SLC9A8: variants seen among roughly 807,000 people sequenced by gnomAD.
SLC9A8 encodes solute carrier family 9 member A8, also known as sodium/hydrogen exchanger 8.
A neutral mutation model predicts 66.6 loss-of-function variants in SLC9A8; 48 were observed. The ratio of observed to expected loss-of-function variants is 0.72; its 90% CI spans 0.57 to 0.92. The LOEUF (loss-of-function observed/expected upper bound fraction) is 0.92. SLC9A8 is among the 40% of genes least tolerant of loss of function. SLC9A8 has a pLI of 0.00. For synonymous variants in SLC9A8, 274 were observed against 282.6 expected (o/e 0.97, Z 0.31); for missense variants, 599 against 747.3 (o/e 0.80, Z 2.31).
chr20:49,834,335 ATATATATATATACTG>A lies in SLC9A8; in HGVS notation c.290-5193_290-5179del, dbSNP rs2087381369. ...GTGTGTATATATATATATACTGTGTATATATATATATACTGTATATATATATATACTGTGTATATA... is the reference window on the plus strand; with the variant it reads ...GTGTGTATATATATATATACTGTGTATATATATATATATACTGTGTATATA... On this transcript the variant is annotated intron_variant, in intron 3 of 15. Coordinates refer to ENST00000361573, the MANE Select transcript of SLC9A8 (RefSeq NM_015266.3). 1.0e-3 allele frequency among the ~76,000 whole-genome samples: 60 copies of A among 58,018 alleles called. 3 individuals carry two copies. Among genetic ancestry groups the A allele is most frequent in the Admixed American group, 4.8e-3 (30 of 6,226 alleles). The allele number at this position is 58,018 out of a possible 152,430, so 38.1% of individuals were successfully genotyped here. A position where few individuals can be genotyped will look rare whatever the true frequency, so the allele number is the denominator to read the frequency against.
Position 49,881,020 on chromosome 20 carries a change from A to G in SLC9A8, c.1255A>G (p.Ile419Val). The G allele has an allele frequency of 1.2e-6, 2 of 1,611,828 alleles. No homozygotes were observed. Among genetic ancestry groups the G allele is most frequent in the Non-Finnish European group, 1.7e-6 (2 of 1,177,840 alleles). ...DHKITPKMMF[I>V]MWFSGLRGAI... ...TAAAATCACACCGAAGATGATGTTCATCATGTGGTTTAGTGGTAAGTCAAA... is the reference window on the plus strand; with the variant it reads ...TAAAATCACACCGAAGATGATGTTCGTCATGTGGTTTAGTGGTAAGTCAAA... Residue 419 changes from isoleucine to valine, a missense_variant, in exon 13 of 16, where the codon ATC becomes GTC. Transcript: ENST00000361573.
Position 49,847,511 on chromosome 20 carries a change from CT to C in SLC9A8, c.433-2067del, listed in dbSNP as rs1224910751. On this transcript the variant is annotated intron_variant, in intron 5 of 15. Coordinates refer to ENST00000361573, the MANE Select transcript of SLC9A8 (RefSeq NM_015266.3). ...AATGTGACAATTTATATGAAAGGGACTGATAGGATTATGAAATGCTACTTCT... is the reference window on the plus strand; with the variant it reads ...AATGTGACAATTTATATGAAAGGGACGATAGGATTATGAAATGCTACTTCT... Among the ~76,000 whole-genome samples the C allele has an allele frequency of 2.6e-5, 4 of 151,358 alleles. No individual in the cohort carries two copies. In the East Asian group the frequency reaches 7.8e-4, roughly 30 times the overall value.
intron 4 of SLC9A8, among the ~76,000 whole-genome samples, chr20:49,841,219 T>A (rs574893372): frequency 6.6e-6 from 1 of 151,442 alleles, no homozygotes; most frequent in African/African-American, 2.4e-5. Context: ...GGCAGGAGGA[T>A]CGCTTGAGCC....
At chr20:49,853,304 C>A (rs189355374) in intron 7 of SLC9A8, among the ~76,000 whole-genome samples, 2 of 151,466 alleles carry the variant, frequency 1.3e-5, no homozygotes, top group Non-Finnish European at 2.9e-5. Flanking sequence ...GCACCACTTC[C>A]GGCTAATTTT....
intron 10 of SLC9A8, among the ~76,000 whole-genome samples, chr20:49,871,415 G>A (rs771675070): frequency 2.0e-4 from 30 of 152,156 alleles, no homozygotes; most frequent in Non-Finnish European, 5.9e-5. Context: ...GAGGCTGAAC[G>A]CTTTTGCTGC....
rs1479799955 is a variant in SLC9A8 at position 49,887,817 on chromosome 20, C to G, written c.1639-12C>G. The G allele has an allele frequency of 6.3e-7, 1 of 1,582,026 alleles. No homozygotes were observed. Among genetic ancestry groups the G allele is most frequent in the East Asian group, 2.3e-5 (1 of 44,114 alleles). On this transcript the variant is annotated splice_polypyrimidine_tract_variant and intron_variant, in intron 15 of 15. Transcript: ENST00000361573. The stretch of plus-strand genomic sequence containing the variant: ...TGACGCCCTGACGGCTTGGTTGTGT[C>G]TCTCGACCCAGGACCTGCACCACGG...
chr20:49,880,888 G>A (rs747413213), intron 12 of SLC9A8, 36 bp from the exon 13 acceptor site: 26 of 1,416,794 alleles, frequency 1.8e-5, no homozygotes, highest in Non-Finnish European at 2.6e-5. Flanking sequence ...AGAGCCAGAT[G>A]TTTTCACCTA....
In SLC9A8 at chr20:49,887,901, T is replaced by A. The variant is rs752725250; in HGVS notation, c.1711T>A (p.Ser571Thr). 5 of 1,613,740 alleles carry A rather than the reference T, an allele frequency of 3.1e-6. No homozygotes were observed. The highest frequency in any genetic ancestry group is 1.7e-4 in the Middle Eastern group (1 of 6,056). The change falls in exon 16 of 16, where the codon TCC becomes ACC. Residue 571 changes from serine (S) to threonine (T), a missense_variant. Ser to Thr is a moderately conservative substitution (Grantham distance 58). This residue lies in a region of SLC9A8 where 467 missense variants were observed against 626.5 expected (regional missense o/e 0.75). Transcript: ENST00000361573. Reference protein sequence around the residue: ...KWYEEVRQGPSGSEDDEQELL With the variant: ...KWYEEVRQGPTGSEDDEQELL ...GTACGAGGAGGTACGCCAGGGCCCCTCCGGCTCCGAGGACGACGAGCAGGA... is the reference window on the plus strand; with the variant it reads ...GTACGAGGAGGTACGCCAGGGCCCCACCGGCTCCGAGGACGACGAGCAGGA...
intron 3 of SLC9A8, among the ~76,000 whole-genome samples, chr20:49,838,904 T>A (rs187550581): frequency 1.9e-4 from 29 of 152,118 alleles, no homozygotes; most frequent in African/African-American, 6.3e-4. Context: ...GGGTTAAGAG[T>A]CGTTTATCTA....
chr20:49,841,792 A>G (rs1192722845), intron 4 of SLC9A8, among the ~76,000 whole-genome samples: 3 of 151,854 alleles, frequency 2.0e-5, no homozygotes, highest in Non-Finnish European at 2.9e-5. Context: ...ACAGGGTCTC[A>G]CCATGTTAGC....
At chr20:49,846,213 C>T (rs1304360016) in intron 5 of SLC9A8, among the ~76,000 whole-genome samples, 2 of 152,006 alleles carry the variant, frequency 1.3e-5, no homozygotes, top group African/African-American at 4.8e-5. Flanking sequence ...TGGTTTTTTC[C>T]TTGTCTGTGA....
rs1171839648 is a variant in SLC9A8, at chr20:49,830,304, ACTGT to A, written c.289+7167_289+7170del. 4 of 1,135,500 alleles carry A rather than the reference ACTGT, an allele frequency of 3.5e-6. No individual in the cohort carries two copies. In the South Asian group the frequency reaches 3.7e-5, roughly 10 times the overall value. The allele number at this position is 1,135,500 out of a possible 1,614,324, so 70.3% of individuals were successfully genotyped here. ...CTTGCTAAAAATGGGTCACACAGTG[ACTGT>A]CTGGAACCGCACTGCCAAGAAACGT... On this transcript the variant is annotated intron_variant, in intron 3 of 15. Transcript: ENST00000361573.
At chr20:49,851,051 GTGGGGCATTGCTGATTGGAA>G (rs2088227754) in intron 7 of SLC9A8, among the ~76,000 whole-genome samples, 1 of 152,212 alleles carries the variant, frequency 6.6e-6, no homozygotes, top group Non-Finnish European at 1.5e-5. Context: ...AAGATCCCTA[GTGGGGCATTGCTGATTGGAA>G]TGATTTAGTT....
At chr20:49,813,507 T>G (rs2086434900) in intron 1 of SLC9A8, among the ~76,000 whole-genome samples, 1 of 152,160 alleles carries the variant, frequency 6.6e-6, no homozygotes, top group South Asian at 2.1e-4. Flanking sequence ...TCAAGGTGGT[T>G]TCAGATCGTG....
chr20:49,869,881 A>G (rs1240113215), intron 10 of SLC9A8, among the ~76,000 whole-genome samples: 1 of 152,206 alleles, frequency 6.6e-6, no homozygotes. Flanking sequence ...GAAGTTGGCC[A>G]AAGATAGAAT....
chr20:49,871,920 A>G (rs1466722154), intron 10 of SLC9A8, among the ~76,000 whole-genome samples: 1 of 152,224 alleles, frequency 6.6e-6, no homozygotes, highest in Non-Finnish European at 1.5e-5. Context: ...CAGAAGGAAG[A>G]CTGGTCCATG....
rs761544538 is a variant in SLC9A8, at chr20:49,815,102, C to T, written c.121C>T (p.Pro41Ser). ...ACTGGTGCTCCCGACCCCTGGCAAGCCCATCCTCCCCGTGCAGACAGGGGA... is the reference window on the plus strand; with the variant it reads ...ACTGGTGCTCCCGACCCCTGGCAAGTCCATCCTCCCCGTGCAGACAGGGGA... ...TKLVLPTPGK[P>S]ILPVQTGEQA... The change falls in exon 2 of 16, where the codon CCC (proline) becomes TCC (serine). Residue 41 changes from proline to serine, a missense_variant. Physicochemically the swap from Pro to Ser is moderately conservative, Grantham distance 74. This residue lies in a region of SLC9A8 where 132 missense variants were observed against 120.9 expected (regional missense o/e 1.09). Coordinates refer to ENST00000361573, the MANE Select transcript of SLC9A8 (RefSeq NM_015266.3). 2.5e-6 allele frequency: 4 copies of T among 1,609,056 alleles called. No individual in the cohort carries two copies. The highest frequency in any genetic ancestry group is 4.5e-5 in the East Asian group (2 of 44,444).
At chr20:49,830,787 G>C (rs1044595089) in intron 3 of SLC9A8, 4 of 906,698 alleles carry the variant, frequency 4.4e-6, no homozygotes, top group Non-Finnish European at 7.4e-6. Context: ...GATCACTGAG[G>C]TGCTGACCCT....
At chr20:49,844,173 C>G (rs2087882947) in intron 4 of SLC9A8, among the ~76,000 whole-genome samples, 2 of 152,182 alleles carry the variant, frequency 1.3e-5, no homozygotes, top group South Asian at 2.1e-4. Context: ...GTCTTTGTAT[C>G]AAAGTCTCAA....
Sources: allele counts gnomAD v4.1 joint callset (sites outside exome capture counted in the v4.1 genomes callset), GRCh38; gene constraint gnomAD v4.1.1; regional missense constraint gnomAD v4.1.1; transcripts MANE v1.5; gene names NCBI Gene and HGNC (gene_info 2026-07-23, HGNC 2026-07-21).